The following PRLR variants were observed in gnomAD, a reference collection of about 807,000 sequenced individuals.
PRLR encodes the protein prolactin receptor, also known as hPRL receptor.
Under a neutral mutation model 40.2 loss-of-function variants are expected in PRLR, and 13 were observed. The observed-to-expected ratio is 0.32, with a 90% CI of 0.21 to 0.51. The LOEUF (loss-of-function observed/expected upper bound fraction) is 0.51, where lower values mean the gene tolerates loss of function less well. Ranked by LOEUF, PRLR falls within the 20% of genes least tolerant of loss-of-function variation. The pLI, the probability that PRLR is intolerant of heterozygous loss-of-function variation, is 0.97. For missense variants in PRLR, 656 were observed against 747.3 expected, an observed-to-expected ratio of 0.88 and a Z score of 1.42; for synonymous variants, 269 against 278.7, an observed-to-expected ratio of 0.97 and a Z score of 0.35.
intron 1 of PRLR, among the ~76,000 whole-genome samples, chr5:35,127,941 AACT>A (rs1773525537): frequency 6.6e-6 from 1 of 152,146 alleles, no homozygotes; most frequent in African/African-American, 2.4e-5. Context: ...ATGGTTGCAC[AACT>A]GTAAATACAG....
In PRLR at chr5:35,065,957, G is replaced by T. The variant is rs1769343157; in HGVS notation, c.1001C>A (p.Pro334Gln). ...GTATGTGGGTTTCATACCTTGACTT[G>T]GGTGTTCTTTTGAATGGACTGACAT... is the stretch of plus-strand genomic sequence containing the variant. ...HLMSVHSKEH[P>Q]SQGMKPTYLD... The change falls in exon 10 of 10, where the codon CCA becomes CAA. Residue 334 changes from proline to glutamine, a missense_variant. Transcript: ENST00000618457. 1 of 1,614,082 alleles carries T rather than the reference G, an allele frequency of 6.2e-7. No individual in the cohort carries two copies. The highest frequency in any genetic ancestry group is 1.7e-4 in the Middle Eastern group (1 of 6,058).
chr5:35,056,487 C>G lies in PRLR; in HGVS notation c.*8602G>C, dbSNP rs1339881138. On this transcript the variant is annotated 3_prime_UTR_variant, in exon 10 of 10. Transcript: ENST00000618457. ...TTCTATTAAATGGAAGTTGCATCTT[C>G]CAGCCCCAAAGAAACTGGGGAGATT... The G allele has an allele frequency of 6.6e-6, 1 of 152,088 alleles. No individual in the cohort carries two copies. Among genetic ancestry groups the G allele is most frequent in the Admixed American group, 6.5e-5 (1 of 15,268 alleles). 9.4% of individuals were successfully genotyped at this position (152,088 alleles called of 1,614,324 possible). A position where few individuals can be genotyped will look rare whatever the true frequency, so the allele number is the denominator to read the frequency against.
At chr5:35,052,441 C>A (rs376522349), downstream of PRLR, among the ~76,000 whole-genome samples, 1 of 152,104 alleles carries the variant, frequency 6.6e-6, no homozygotes, top group South Asian at 2.1e-4. Context: ...AAAGGCATAT[C>A]TTTCACATAA....
At chr5:35,049,119 G>A (rs577946911) in exon 9 of PRLR, 123 of 693,344 alleles carry the variant, frequency 1.8e-4, no homozygotes, top group Non-Finnish European at 1.7e-4. Context: ...TGCTTTGGGG[G>A]CAGTAGGGAG....
At chr5:35,092,243 T>C (rs1771258980) in intron 2 of PRLR, among the ~76,000 whole-genome samples, 1 of 152,224 alleles carries the variant, frequency 6.6e-6, no homozygotes, top group Non-Finnish European at 1.5e-5. Context: ...GTTACTATTA[T>C]GCACTTTCTA....
chr5:35,050,586 C>A (rs571831461), intron 8 of PRLR, among the ~76,000 whole-genome samples: 2 of 152,258 alleles, frequency 1.3e-5, no homozygotes, highest in African/African-American at 4.8e-5. Flanking sequence ...GAAAAAAATA[C>A]TTCACAAATG....
intron 1 of PRLR, among the ~76,000 whole-genome samples, chr5:35,162,780 T>C (rs1342215155): frequency 2.0e-5 from 3 of 152,222 alleles, no homozygotes; most frequent in African/African-American, 7.2e-5. Flanking sequence ...GCCTCGTCCC[T>C]GTGTCTCCCG....
intron 1 of PRLR, among the ~76,000 whole-genome samples, chr5:35,182,819 T>C (rs1424973153): frequency 1.3e-5 from 2 of 152,252 alleles, no homozygotes; most frequent in Non-Finnish European, 2.9e-5. Context: ...CACTGGGCAC[T>C]GCCTTTGGGA....
At chr5:35,110,234 G>A (rs1223572960) in intron 2 of PRLR, among the ~76,000 whole-genome samples, 2 of 152,080 alleles carry the variant, frequency 1.3e-5, no homozygotes, top group Non-Finnish European at 2.9e-5. Flanking sequence ...GGGGGAGGGG[G>A]TGATAGCATT....
In PRLR at chr5:35,059,183, G is replaced by A. The variant is rs961280518; in HGVS notation, c.*5906C>T. Reference sequence around the variant, plus strand: ...TATATTACTACTTCAGTTGCTGAAGGTTTTAGGGTTTTTTTCTTTTTAATC... The same window carrying A: ...TATATTACTACTTCAGTTGCTGAAGATTTTAGGGTTTTTTTCTTTTTAATC... On this transcript the variant is annotated 3_prime_UTR_variant, in exon 10 of 10. Coordinates refer to ENST00000618457, the MANE Select transcript of PRLR (RefSeq NM_000949.7). 7 of 152,142 alleles carry A rather than the reference G, an allele frequency of 4.6e-5. No individual in the cohort carries two copies. Among genetic ancestry groups the A allele is most frequent in the Admixed American group, 4.6e-4 (7 of 15,274 alleles). 9.4% of individuals were successfully genotyped at this position (152,142 alleles called of 1,614,324 possible). A position where few individuals can be genotyped will look rare whatever the true frequency, so the allele number is the denominator to read the frequency against.
intron 1 of PRLR, among the ~76,000 whole-genome samples, chr5:35,228,417 C>T (rs963663301): frequency 6.6e-6 from 1 of 152,166 alleles, no homozygotes; most frequent in Non-Finnish European, 1.5e-5. Flanking sequence ...ACCCAGGGTC[C>T]CCAGAGATGT....
chr5:35,054,673 A>C (rs1054597687), downstream of PRLR, among the ~76,000 whole-genome samples: 3 of 152,214 alleles, frequency 2.0e-5, no homozygotes, highest in African/African-American at 7.2e-5. Flanking sequence ...ATGAATAGGG[A>C]GTTTAATAGA....
rs141823803 is a variant in PRLR at position 35,165,346 on chromosome 5, G to A, written c.-105-47224C>T. ...CAGAGACTCTCTGATTAACTCTATC[G>A]TTCTTTACCGAATGGCTCACCTTTG... On this transcript the variant is annotated intron_variant, in intron 1 of 9. Coordinates refer to ENST00000618457, the MANE Select transcript of PRLR (RefSeq NM_000949.7). Among the ~76,000 whole-genome samples the A allele has an allele frequency of 4.6e-3, 700 of 152,282 alleles. 4 individuals carry two copies. The highest frequency in any genetic ancestry group is 8.1e-3 in the African/African-American group (337 of 41,566).
chr5:35,086,448 T>C, intron 3 of PRLR, 108 bp from the exon 4 acceptor site: 13 of 1,400,398 alleles, frequency 9.3e-6, no homozygotes, highest in Non-Finnish European at 1.3e-5. Context: ...CGATGAAGTC[T>C]CAGGCTGAGG....
At chr5:35,172,405 T>A (rs193247012) in intron 1 of PRLR, among the ~76,000 whole-genome samples, 1 of 152,156 alleles carries the variant, frequency 6.6e-6, no homozygotes, top group Non-Finnish European at 1.5e-5. Context: ...AGGCTGAGGG[T>A]ACTCATCTCC....
chr5:35,179,674 A>G (rs1775241224), intron 1 of PRLR, among the ~76,000 whole-genome samples: 1 of 152,152 alleles, frequency 6.6e-6, no homozygotes, highest in East Asian at 1.9e-4. Flanking sequence ...AGGTATTGAT[A>G]TAGTTTGGAT....
chr5:35,215,170 T>C (rs187571958), intron 1 of PRLR, among the ~76,000 whole-genome samples: 46 of 152,334 alleles, frequency 3.0e-4, no homozygotes, highest in South Asian at 2.1e-4. Context: ...TTGGCTGTCA[T>C]GTGGTAAGCA....
At chr5:35,128,161 T>C (rs1773532201) in intron 1 of PRLR, among the ~76,000 whole-genome samples, 2 of 151,812 alleles carry the variant, frequency 1.3e-5, no homozygotes, top group African/African-American at 2.4e-5. Context: ...CCACTGTAAG[T>C]TGAGGAGCAT....
chr5:35,215,452 TC>T (rs1224161463), intron 1 of PRLR, among the ~76,000 whole-genome samples: 3 of 152,206 alleles, frequency 2.0e-5, no homozygotes, highest in African/African-American at 7.2e-5. Context: ...TAGTAATTAC[TC>T]CCATGAATTG....
Sources: allele counts gnomAD v4.1 joint callset (sites outside exome capture counted in the v4.1 genomes callset), GRCh38; gene constraint gnomAD v4.1.1; transcripts MANE v1.5; gene names NCBI Gene and HGNC (gene_info 2026-07-23, HGNC 2026-07-21).